The following KEL variants were observed in gnomAD, a reference collection of about 807,000 sequenced individuals.
The protein encoded by KEL is Kell metallo-endopeptidase (Kell blood group).
In KEL, 96 loss-of-function variants were observed where a neutral mutation model predicts 99.5. The observed-to-expected ratio is 0.97, with a 90% CI of 0.82 to 1.14. The LOEUF (loss-of-function observed/expected upper bound fraction) is 1.14. KEL is among the 50% of genes most tolerant of loss of function. KEL has a pLI of 0.00. For missense variants in KEL, 926 were observed against 924.2 expected, an observed-to-expected ratio of 1.00 and a Z score of -0.03; for synonymous variants, 355 against 354.8, an observed-to-expected ratio of 1.00 and a Z score of -0.01.
intron 9 of KEL, among the ~76,000 whole-genome samples, chr7:142,953,016 C>T (rs1796727768): frequency 6.6e-6 from 1 of 152,150 alleles, no homozygotes; most frequent in South Asian, 2.1e-4. Flanking sequence ...CTCTCCTCCA[C>T]CAGCAATGCT....
chr7:142,944,570 A>T (rs1042604548), intron 12 of KEL, 73 bp downstream of exon 12: 167 of 1,372,370 alleles, frequency 1.2e-4, no homozygotes, highest in Middle Eastern at 1.8e-4. Context: ...TTTGCTTCCA[A>T]TCCCCATCTC....
At chr7:142,958,108 A>C (rs1796872528) in intron 5 of KEL, 135 bp from the exon 6 acceptor site, 1 of 1,298,460 alleles carries the variant, frequency 7.7e-7, no homozygotes, top group Non-Finnish European at 1.1e-6. Flanking sequence ...AGCCACATCT[A>C]TCCTTTTTTA....
chr7:142,958,240 C>T, intron 5 of KEL, 64 bp downstream of exon 5: 1 of 1,612,704 alleles, frequency 6.2e-7, no homozygotes, highest in Non-Finnish European at 8.5e-7. Flanking sequence ...AAATGGCAGC[C>T]CTAAGCATGC....
chr7:142,949,918 T>C (rs951128545), intron 10 of KEL, among the ~76,000 whole-genome samples: 1 of 152,246 alleles, frequency 6.6e-6, no homozygotes, highest in Non-Finnish European at 1.5e-5. Flanking sequence ...AACAGCCATT[T>C]TCATTGACTA....
chr7:142,958,548 T>C lies in KEL; in HGVS notation c.401-120A>G, dbSNP rs1312132670. 8 of 889,454 alleles carry C rather than the reference T, an allele frequency of 9.0e-6. No homozygotes were observed. In the Admixed American group the frequency reaches 1.4e-4, roughly 16 times the overall value. The allele number at this position is 889,454 out of a possible 1,614,324, so 55.1% of individuals were successfully genotyped here. A position where few individuals can be genotyped will look rare whatever the true frequency, so the allele number is the denominator to read the frequency against. The stretch of plus-strand genomic sequence containing the variant: ...TCATAAGTTCTCATCAGATGGGTTT[T>C]ATTTAACCCATGTAACATGATTTAC... On this transcript the variant is annotated intron_variant, in intron 4 of 18. Coordinates refer to ENST00000355265, the MANE Select transcript of KEL (RefSeq NM_000420.3).
chr7:142,943,984 G>T, intron 13 of KEL, 101 bp from the exon 14 acceptor site: 1 of 932,524 alleles, frequency 1.1e-6, no homozygotes, highest in Non-Finnish European at 1.7e-6. Flanking sequence ...GGCAAGCCCT[G>T]ACAGGCAGGC....
At chr7:142,943,244 T>A (rs1256343723) in intron 16 of KEL, 32 bp downstream of exon 16, 1 of 1,610,818 alleles carries the variant, frequency 6.2e-7, no homozygotes, top group African/African-American at 1.3e-5. Context: ...GGTTCCCTAT[T>A]ATCCCACCTC....
In KEL at chr7:142,943,513, G is replaced by T; in HGVS notation, c.1676C>A (p.Pro559His). 6.2e-7 allele frequency: 1 copy of T among 1,614,090 alleles called. No individual in the cohort carries two copies. The highest frequency in any genetic ancestry group is 8.5e-7 in the Non-Finnish European group (1 of 1,179,942). ...VVVFPAGLLQ[P>H]PFFHPGYPRA... is the part of the protein sequence containing the mutation. ...GGGATAGCCAGGGTGGAAGAATGGG[G>T]GTTGGAGGAGTCCAGCTGGAAAGAC... The change falls in exon 15 of 19, where the codon CCC (proline) becomes CAC (histidine). Residue 559 changes from proline to histidine, a missense_variant. Transcript: ENST00000355265.
chr7:142,962,058 T>TCTCTC (rs1796973431), intron 1 of KEL, 146 bp downstream of exon 1: 1 of 1,610,722 alleles, frequency 6.2e-7, no homozygotes, highest in African/African-American at 1.3e-5. Flanking sequence ...GTGCCATTTC[T>TCTCTC]CGATCCCTCT....
intron 18 of KEL, chr7:142,942,193 A>T (rs1273813788): frequency 3.5e-6 from 2 of 575,886 alleles, no homozygotes; most frequent in Non-Finnish European, 6.2e-6. Context: ...GGAACTTGGG[A>T]ATAGAGTTTT....
At chr7:142,957,532 T>A (rs1364445717) in intron 6 of KEL, among the ~76,000 whole-genome samples, 9 of 152,108 alleles carry the variant, frequency 5.9e-5, no homozygotes, top group African/African-American at 1.9e-4. Flanking sequence ...GTAAATAAAA[T>A]GAGGGCAATC....
Position 142,944,337 on chromosome 7 carries a change from G to T in KEL, c.1477C>A (p.Gln493Lys), listed in dbSNP as rs61729050. Residue 493 changes from glutamine to lysine, a missense_variant, in exon 13 of 19, where the codon CAA becomes AAA. By Grantham distance (53) the Gln-to-Lys change is moderately conservative. Coordinates refer to ENST00000355265, the MANE Select transcript of KEL (RefSeq NM_000420.3). The stretch of plus-strand genomic sequence containing the variant: ...CAGGGACCCACATCGTTGTATTCTT[G>T]TCGGGCCAGCTCTGGCTTCAGGGCC... ...EWALKPELAR[Q>K]EYNDIQLGSS... is the part of the protein sequence containing the mutation. The T allele has an allele frequency of 5.4e-5, 87 of 1,613,836 alleles. No individual in the cohort carries two copies. Among genetic ancestry groups the T allele is most frequent in the Non-Finnish European group, 4.2e-6 (5 of 1,179,730 alleles).
intron 4 of KEL, among the ~76,000 whole-genome samples, chr7:142,959,773 C>T (rs1175074983): frequency 6.6e-6 from 1 of 152,150 alleles, no homozygotes; most frequent in Non-Finnish European, 1.5e-5. Context: ...ATCTATTCAT[C>T]CCATTGTAGG....
Position 142,961,021 on chromosome 7 carries a change from A to T in KEL, c.307T>A (p.Phe103Ile). Residue 103 changes from phenylalanine (F) to isoleucine (I), a missense_variant, in exon 4 of 19, where the codon TTC becomes ATC. By Grantham distance (21) the Phe-to-Ile change is conservative (BLOSUM62 0). Transcript: ENST00000355265. ...GNTSVAPCTD[F>I]FSFACGRAKE... ...GCCCTTCCACAGGCAAAGCTGAAGA[A>T]GTCGGTGCAGGGGGCCACACTTGTG... 6.2e-7 allele frequency: 1 copy of T among 1,614,224 alleles called. No homozygotes were observed. The highest frequency in any genetic ancestry group is 8.5e-7 in the Non-Finnish European group (1 of 1,180,046).
chr7:142,958,455 C>T (rs1796882703), intron 4 of KEL, 27 bp from the exon 5 acceptor site: 1 of 1,612,064 alleles, frequency 6.2e-7, no homozygotes, highest in Non-Finnish European at 8.5e-7. Context: ...GGAGTGAGGA[C>T]TAAACTCTGA....
intron 13 of KEL, 68 bp from the exon 14 acceptor site, chr7:142,943,951 A>G (rs761953537): frequency 8.3e-5 from 110 of 1,317,808 alleles, no homozygotes; most frequent in Non-Finnish European, 1.2e-4. Context: ...ACAAACACCA[A>G]TGGGACCATT....
At chr7:142,944,081 C>A (rs1796446951) in intron 13 of KEL, among the ~76,000 whole-genome samples, 198 bp from the exon 14 acceptor site, 1 of 152,144 alleles carries the variant, frequency 6.6e-6, no homozygotes, top group Non-Finnish European at 1.5e-5. Context: ...ATGAACACGC[C>A]CAGACAAGTC....
rs200383000 is a variant in KEL, at chr7:142,942,954, G to C, written c.1862C>G (p.Pro621Arg). The change falls in exon 17 of 19, where the codon CCT becomes CGT. Residue 621 changes from proline (P) to arginine (R), a missense_variant. Physicochemically the swap from Pro to Arg is moderately radical, Grantham distance 103. Coordinates refer to ENST00000355265, the MANE Select transcript of KEL (RefSeq NM_000420.3). ...LKRHYAAFPL[P>R]SRTSFNDSLT... Reference sequence around the variant, plus strand: ...GGAGTCATTGAAGGAGGTTCTGCTAGGTAATGGAAAGGCAGCATAATGGCG... The same window carrying C: ...GGAGTCATTGAAGGAGGTTCTGCTACGTAATGGAAAGGCAGCATAATGGCG... The C allele has an allele frequency of 1.9e-6, 3 of 1,614,226 alleles. No homozygotes were observed. Among genetic ancestry groups the C allele is most frequent in the Non-Finnish European group, 2.5e-6 (3 of 1,180,032 alleles).
chr7:142,958,085 G>T, intron 5 of KEL, 112 bp from the exon 6 acceptor site: 1 of 1,399,470 alleles, frequency 7.1e-7, no homozygotes, highest in Non-Finnish European at 9.9e-7. Context: ...TGCGCCCTTC[G>T]ATTCCTCTAG....
Sources: gnomAD v4.1 joint callset for allele counts (sites outside exome capture counted in the v4.1 genomes callset) on GRCh38, gnomAD v4.1.1 for gene constraint, MANE v1.5 for transcripts, NCBI Gene and HGNC (gene_info 2026-07-23, HGNC 2026-07-21) for gene names.